The following UTRN variants were observed in gnomAD, a reference collection of about 807,000 sequenced individuals.
UTRN encodes the protein dystrophin-related protein 1.
A neutral mutation model predicts 463.9 loss-of-function variants in UTRN; 283 were observed. That is an observed-to-expected ratio of 0.61 (90% CI 0.55 to 0.67). The LOEUF (loss-of-function observed/expected upper bound fraction) is 0.67, where lower values mean the gene tolerates loss of function less well. Among genes scored for constraint, UTRN ranks in the 30% least tolerant of loss-of-function variants. UTRN has a pLI of 0.00. For synonymous variants in UTRN, 1,442 were observed against 1,431.5 expected (o/e 1.01, Z -0.17); for missense variants, 3,922 against 4,084.3 (o/e 0.96, Z 1.08).
intron 51 of UTRN, among the ~76,000 whole-genome samples, chr6:144,640,530 GA>G (rs1168616953): frequency 1.3e-5 from 2 of 151,964 alleles, no homozygotes; most frequent in African/African-American, 4.8e-5. Flanking sequence ...GAAATTGCCA[GA>G]AAAAAATGTG....
chr6:144,447,507 T>C, intron 15 of UTRN, 95 bp from the exon 16 acceptor site: 4 of 1,449,950 alleles, frequency 2.8e-6, no homozygotes, highest in Non-Finnish European at 2.8e-6. Context: ...ATGTACATTT[T>C]ACTATAAAAG....
intron 3 of UTRN, 33 bp from the exon 4 acceptor site, chr6:144,421,845 A>G (rs948257469): frequency 1.9e-6 from 3 of 1,571,996 alleles, no homozygotes; most frequent in East Asian, 2.3e-5. Flanking sequence ...CTGTTGGCAT[A>G]CCCCATATTT....
intron 51 of UTRN, among the ~76,000 whole-genome samples, chr6:144,673,449 A>C (rs1781257580): frequency 6.6e-6 from 1 of 152,060 alleles, no homozygotes; most frequent in South Asian, 2.1e-4. Flanking sequence ...TGTCTGATAT[A>C]AGAATAGCTA....
intron 51 of UTRN, among the ~76,000 whole-genome samples, chr6:144,673,258 T>C (rs980240454): frequency 6.6e-5 from 10 of 152,184 alleles, no homozygotes; most frequent in African/African-American, 2.4e-4. Flanking sequence ...ACCCCTCTAG[T>C]GCTGTCAGTG....
At chr6:144,807,850 T>A (rs1778281337) in intron 65 of UTRN, among the ~76,000 whole-genome samples, 1 of 152,186 alleles carries the variant, frequency 6.6e-6, no homozygotes, top group Admixed American at 6.6e-5. Flanking sequence ...TCTCCCTGTG[T>A]TAGTTAAATT....
intron 51 of UTRN, among the ~76,000 whole-genome samples, chr6:144,639,675 C>A (rs1348903994): frequency 1.3e-5 from 2 of 148,982 alleles, no homozygotes; most frequent in African/African-American, 2.4e-5. Context: ...AGTCTTATTG[C>A]TTCTTACTTT....
At chr6:144,538,020 G>A (rs562337551) in intron 44 of UTRN, among the ~76,000 whole-genome samples, 20 of 151,984 alleles carry the variant, frequency 1.3e-4, no homozygotes, top group African/African-American at 3.1e-4. Context: ...ATGAAATATC[G>A]TTTTTTGTTT....
chr6:144,484,187 G>T (rs1304026032), intron 27 of UTRN, among the ~76,000 whole-genome samples: 2 of 152,104 alleles, frequency 1.3e-5, no homozygotes, highest in Non-Finnish European at 2.9e-5. Flanking sequence ...CCTCAGAGGG[G>T]AATGAGTGAT....
chr6:144,510,529 A>C lies in UTRN; in HGVS notation c.4765-415A>C, dbSNP rs1225774108. ...GTTTCCTCTGGTAATCTAGGAGATA[A>C]ATTCATTGTGAATTTTTTTAAGTTG... On this transcript the variant is annotated intron_variant, in intron 34 of 74. Coordinates refer to ENST00000367545, the MANE Select transcript of UTRN (RefSeq NM_007124.3). Among the ~76,000 whole-genome samples the C allele has an allele frequency of 1.3e-5, 2 of 152,194 alleles. 1 individual carries two copies.
intron 53 of UTRN, among the ~76,000 whole-genome samples, 169 bp from the exon 54 acceptor site, chr6:144,730,188 T>G (rs1788368243): frequency 6.6e-6 from 1 of 152,246 alleles, no homozygotes; most frequent in Admixed American, 6.5e-5. Flanking sequence ...CTTTGTATTT[T>G]TCTTCATTCA....
chr6:144,390,198 G>T (rs546135134), intron 2 of UTRN, among the ~76,000 whole-genome samples: 2 of 152,032 alleles, frequency 1.3e-5, no homozygotes, highest in Non-Finnish European at 2.9e-5. Flanking sequence ...CGGGAGACAC[G>T]CTGTATAATA....
intron 72 of UTRN, 89 bp downstream of exon 72, chr6:144,839,373 C>T (rs567643835): frequency 9.8e-7 from 1 of 1,025,566 alleles, no homozygotes; most frequent in South Asian, 1.5e-5. Flanking sequence ...CATTCCTACA[C>T]ACTGGTGCCT....
In UTRN at chr6:144,789,218, G is replaced by T; in HGVS notation, c.8859G>T (p.Val2953=). ...YDTGRTGKIR[V]QSLKIGLMSL... is the part of the protein sequence containing the mutation. ...GGGGTCGAACTGGAAAAATTAGAGT[G>T]CAGAGTCTGAAGATTGGATTAATGT... Residue 2953 remains valine, a synonymous_variant, in exon 62 of 75, where the codon GTG becomes GTT. Transcript: ENST00000367545. 1.2e-6 allele frequency: 2 copies of T among 1,613,396 alleles called. No homozygotes were observed.
At chr6:144,433,241 C>T (rs1371956858) in intron 9 of UTRN, among the ~76,000 whole-genome samples, 1 of 151,994 alleles carries the variant, frequency 6.6e-6, no homozygotes, top group Non-Finnish European at 1.5e-5. Context: ...AGAGGGGCTC[C>T]TCACTTCCCA....
intron 58 of UTRN, 88 bp from the exon 59 acceptor site, chr6:144,771,819 A>T: frequency 9.2e-7 from 1 of 1,086,916 alleles, no homozygotes; most frequent in Non-Finnish European, 1.3e-6. Flanking sequence ...TTTGAAAAAA[A>T]TCATTTCTAC....
chr6:144,702,419 A>G (rs1194682530), intron 53 of UTRN, among the ~76,000 whole-genome samples: 1 of 152,216 alleles, frequency 6.6e-6, no homozygotes, highest in Non-Finnish European at 1.5e-5. Flanking sequence ...TTCAGCAAGT[A>G]TTTATTGAGT....
intron 51 of UTRN, among the ~76,000 whole-genome samples, chr6:144,596,231 A>G (rs1803626000): frequency 2.0e-5 from 3 of 152,198 alleles, no homozygotes; most frequent in African/African-American, 4.8e-5. Flanking sequence ...AGTGATTTCT[A>G]GAAATGTGTC....
At chr6:144,451,314 C>A in intron 17 of UTRN, 56 bp from the exon 18 acceptor site, 2 of 1,564,578 alleles carry the variant, frequency 1.3e-6, no homozygotes, top group Admixed American at 2.0e-5. Flanking sequence ...TTTCTGGAGT[C>A]AAGTAAAACA....
At chr6:144,471,754 G>A (rs545194044) in intron 23 of UTRN, among the ~76,000 whole-genome samples, 55 of 152,192 alleles carry the variant, frequency 3.6e-4, no homozygotes, top group Non-Finnish European at 6.0e-4. Flanking sequence ...GAAGCAGCTT[G>A]GGGAAAGTGT....
Sources: allele counts gnomAD v4.1 joint callset (sites outside exome capture counted in the v4.1 genomes callset), GRCh38; gene constraint gnomAD v4.1.1; transcripts MANE v1.5; gene names NCBI Gene and HGNC (gene_info 2026-07-23, HGNC 2026-07-21).